HHIPL1: variants seen among roughly 807,000 people sequenced by gnomAD.
HHIPL1 encodes the protein HHIP like 1, also known as HHIP-like protein 1.
HHIPL1 carries 43 observed loss-of-function variants against 61.8 expected under a neutral mutation model. That is an observed-to-expected ratio of 0.70 (90% CI 0.55 to 0.90). HHIPL1 has a LOEUF of 0.90. Ranked by LOEUF, HHIPL1 falls within the 40% of genes least tolerant of loss-of-function variation. The pLI is 0.00. For synonymous variants in HHIPL1, 482 were observed against 515.8 expected, an observed-to-expected ratio of 0.93 and a Z score of 0.89; for missense variants, 1,056 against 1,157.7, an observed-to-expected ratio of 0.91 and a Z score of 1.28.
chr14:99,662,823 G>T, intron 5 of HHIPL1, 53 bp from the exon 6 acceptor site: 1 of 1,511,304 alleles, frequency 6.6e-7, no homozygotes, highest in African/African-American at 1.4e-5. Flanking sequence ...TGGTGGGTAG[G>T]TTCCCCTGGG....
chr14:99,610,064 AC>A, the HHIPL1 span, among the ~76,000 whole-genome samples: 1 of 151,658 alleles, frequency 6.6e-6, no homozygotes, highest in South Asian at 2.1e-4. Context: ...TCAGCATCTG[AC>A]CCCTCCCTTT....
At chr14:99,613,997 G>C in the HHIPL1 span, among the ~76,000 whole-genome samples, 1 of 152,106 alleles carries the variant, frequency 6.6e-6, no homozygotes, top group Non-Finnish European at 1.5e-5. Context: ...GAATGATAAA[G>C]AAGGAAGCTG....
At chr14:99,657,279 G>A (rs2140069625) in intron 3 of HHIPL1, 136 bp downstream of exon 3, 3 of 1,015,090 alleles carry the variant, frequency 3.0e-6, no homozygotes, top group East Asian at 2.6e-5. Context: ...AGCTCAGCCT[G>A]CAGCTAGCTG....
chr14:99,608,292 A>T, the HHIPL1 span, among the ~76,000 whole-genome samples: 2 of 152,180 alleles, frequency 1.3e-5, no homozygotes, highest in African/African-American at 4.8e-5. Flanking sequence ...ATCTAATAAT[A>T]ATGGCAATGA....
chr14:99,623,045 G>T, the HHIPL1 span, among the ~76,000 whole-genome samples: 1 of 152,216 alleles, frequency 6.6e-6, no homozygotes, highest in South Asian at 2.1e-4. Context: ...GAGCTGGGAA[G>T]GTGTCACTGC....
At chr14:99,659,356 C>A in intron 3 of HHIPL1, 72 bp from the exon 4 acceptor site, 2 of 1,258,812 alleles carry the variant, frequency 1.6e-6, no homozygotes, top group Non-Finnish European at 2.1e-6. Flanking sequence ...CGCCCCAGCA[C>A]CTGCCCCGCG....
Position 99,675,840 on chromosome 14 carries a change from AG to A in HHIPL1, c.*215del. On this transcript the variant is annotated 3_prime_UTR_variant, in exon 9 of 9. Transcript: ENST00000330710. This position sits in a 1 kb window ranked among gnomAD's most constrained non-coding sequence, Gnocchi z 5.4. ...TGTTGGGGGCGGTGTGGGCTCTGGA[AG>A]TGCATGGTCCATCATGGGCGGGAGG... The A allele has an allele frequency of 2.2e-6, 1 of 460,850 alleles. No individual in the cohort carries two copies. The highest frequency in any genetic ancestry group is 3.5e-5 in the East Asian group (1 of 28,662). 28.5% of individuals were successfully genotyped at this position (460,850 alleles called of 1,614,324 possible).
At chr14:99,618,868 T>C in the HHIPL1 span, among the ~76,000 whole-genome samples, 1 of 152,168 alleles carries the variant, frequency 6.6e-6, no homozygotes, top group South Asian at 2.1e-4. Context: ...ATGTGCACCT[T>C]GGAGCTAACT....
At chr14:99,651,744 G>A (rs1369768365) in intron 1 of HHIPL1, among the ~76,000 whole-genome samples, 1 of 152,194 alleles carries the variant, frequency 6.6e-6, no homozygotes, top group African/African-American at 2.4e-5. Flanking sequence ...CTGTCCATGG[G>A]CAGAGCCAAG....
chr14:99,620,783 A>G, the HHIPL1 span, among the ~76,000 whole-genome samples: 1 of 152,228 alleles, frequency 6.6e-6, no homozygotes, highest in Non-Finnish European at 1.5e-5. Context: ...TAGGGGGGCC[A>G]GGCCTCTGGG....
At chr14:99,652,986 G>A (rs2055965407) in intron 2 of HHIPL1, 116 bp downstream of exon 2, 13 of 1,059,714 alleles carry the variant, frequency 1.2e-5, no homozygotes, top group Non-Finnish European at 1.6e-5. Flanking sequence ...ACACCTGGTG[G>A]GGGTGCTGAA....
In HHIPL1 at chr14:99,675,492, C is replaced by T. The variant is rs2056379935; in HGVS notation, c.2215C>T (p.Leu739=). Residue 739 remains leucine, a synonymous_variant, in exon 9 of 9, where the codon CTG becomes TTG. Coordinates refer to ENST00000330710, the MANE Select transcript of HHIPL1 (RefSeq NM_001127258.3). This position sits in a 1 kb window ranked among gnomAD's most constrained non-coding sequence, Gnocchi z 5.4. ...CGGCCAGGGCGGCTCGCTGCCCATT[C>T]TGCTGGACGATGTGCGCTGCGCGGG... ...EFGQGGSLPI[L]LDDVRCAGWE... 1 of 1,542,980 alleles carries T rather than the reference C, an allele frequency of 6.5e-7. No individual in the cohort carries two copies. Among genetic ancestry groups the T allele is most frequent in the Non-Finnish European group, 8.7e-7 (1 of 1,146,516 alleles).
chr14:99,624,672 G>A, the HHIPL1 span: 3 of 152,228 alleles, frequency 2.0e-5, no homozygotes, highest in Non-Finnish European at 4.4e-5. Flanking sequence ...TTGTTCTTGG[G>A]GCCGGGCAGC....
chr14:99,665,051 G>C (rs143002395), intron 6 of HHIPL1, among the ~76,000 whole-genome samples: 210 of 152,150 alleles, frequency 1.4e-3, no homozygotes, highest in Non-Finnish European at 2.4e-3. Flanking sequence ...AGCCCCCGGA[G>C]CAGCTGGGAT....
At chr14:99,669,848 T>C (rs922944974) in intron 7 of HHIPL1, among the ~76,000 whole-genome samples, 2 of 152,144 alleles carry the variant, frequency 1.3e-5, no homozygotes, top group African/African-American at 2.4e-5. Context: ...TCACTCGAAC[T>C]CAGGAGGTCG....
the HHIPL1 span, among the ~76,000 whole-genome samples, chr14:99,623,912 T>G: frequency 9.3e-4 from 142 of 152,326 alleles, no homozygotes; most frequent in African/African-American, 3.3e-3. Context: ...AGGGACTCTA[T>G]TAAAACGTAA....
At chr14:99,659,089 C>G (rs2056097151) in intron 3 of HHIPL1, among the ~76,000 whole-genome samples, 2 of 152,160 alleles carry the variant, frequency 1.3e-5, no homozygotes. Context: ...TTTGAGCTTT[C>G]TGAGCTCCGC....
chr14:99,640,282 A>C (rs918674777), upstream of HHIPL1, among the ~76,000 whole-genome samples: 3 of 151,982 alleles, frequency 2.0e-5, no homozygotes, highest in Non-Finnish European at 4.4e-5. Flanking sequence ...AAAACTTTAA[A>C]ATTTTTATTT....
the HHIPL1 span, among the ~76,000 whole-genome samples, chr14:99,623,463 G>A: frequency 2.0e-5 from 3 of 151,996 alleles, no homozygotes; most frequent in Non-Finnish European, 4.4e-5. Flanking sequence ...CCCCAGGCTG[G>A]AGTGCAGTGG....
Sources: allele counts gnomAD v4.1 joint callset (sites outside exome capture counted in the v4.1 genomes callset), GRCh38; gene constraint gnomAD v4.1.1; non-coding constraint Gnocchi (gnomAD v3.1); transcripts MANE v1.5; gene names NCBI Gene and HGNC (gene_info 2026-07-23, HGNC 2026-07-21).